TSPEAR: variants seen among roughly 807,000 people sequenced by gnomAD.
TSPEAR encodes thrombospondin-type laminin G domain and EAR repeat-containing protein.
TSPEAR carries 69 observed loss-of-function variants against 71.6 expected under a neutral mutation model. The ratio of observed to expected loss-of-function variants is 0.96; its 90% CI spans 0.79 to 1.18. The LOEUF (loss-of-function observed/expected upper bound fraction) is 1.18, where lower values mean the gene tolerates loss of function less well. TSPEAR is among the 50% of genes most tolerant of loss of function. TSPEAR has a pLI of 0.00. For synonymous variants in TSPEAR, 402 were observed against 387.2 expected (o/e 1.04, Z -0.45); for missense variants, 971 against 894.9 (o/e 1.09, Z -1.09).
intron 11 of TSPEAR, among the ~76,000 whole-genome samples, chr21:44,501,792 T>G (rs1435264460): frequency 6.6e-6 from 1 of 152,010 alleles, no homozygotes; most frequent in African/African-American, 2.4e-5. Context: ...GAAGGAGATA[T>G]TATTAAAAAG....
intron 1 of TSPEAR, among the ~76,000 whole-genome samples, chr21:44,602,473 T>C (rs442226): frequency 0.83 from 126,470 of 152,236 alleles, 54,323 homozygotes; most frequent in Non-Finnish European, 0.94. Context: ...GTGTGCAGAA[T>C]GGGTCCACAC....
At chr21:44,637,225 A>G (rs1983635266) in intron 1 of TSPEAR, 6 of 751,312 alleles carry the variant, frequency 8.0e-6, no homozygotes. Flanking sequence ...ATGGCAAAGG[A>G]AGCAGAAATA....
At chr21:44,600,479 C>T in intron 1 of TSPEAR, 1 of 965,044 alleles carries the variant, frequency 1.0e-6, no homozygotes. Context: ...AAGGAAGGGG[C>T]AGGAGTTGTT....
intron 11 of TSPEAR, among the ~76,000 whole-genome samples, chr21:44,500,969 G>A (rs2052018578): frequency 6.6e-6 from 1 of 152,176 alleles, no homozygotes; most frequent in African/African-American, 2.4e-5. Context: ...ATAGAACCCT[G>A]AGGTTATACA....
In TSPEAR at chr21:44,612,224, C is replaced by T. The variant is rs782423827; in HGVS notation, c.83-44219G>A. ...CAGCACCTGCACTGGCTCCTCCTGGCAGGTGGACAATTGCCAGGAAAGCTG... is the reference window on the plus strand; with the variant it reads ...CAGCACCTGCACTGGCTCCTCCTGGTAGGTGGACAATTGCCAGGAAAGCTG... On this transcript the variant is annotated intron_variant, in intron 1 of 11. Coordinates refer to ENST00000323084, the MANE Select transcript of TSPEAR (RefSeq NM_144991.3). The surrounding 1 kb of genome is among the most constrained non-coding windows in gnomAD (Gnocchi z 4.1). The T allele has an allele frequency of 7.4e-6, 12 of 1,613,774 alleles. No homozygotes were observed. The highest frequency in any genetic ancestry group is 1.0e-5 in the Non-Finnish European group (12 of 1,180,010).
intron 2 of TSPEAR, 37 bp from the exon 3 acceptor site, chr21:44,533,960 G>T: frequency 1.3e-6 from 2 of 1,529,772 alleles, no homozygotes; most frequent in Non-Finnish European, 1.8e-6. Context: ...CGGGGCTGGG[G>T]GTAGGGGTCG....
At chr21:44,621,064 T>A (rs924945655) in intron 1 of TSPEAR, among the ~76,000 whole-genome samples, 2 of 152,230 alleles carry the variant, frequency 1.3e-5, no homozygotes, top group African/African-American at 4.8e-5. Context: ...AGGCTAGTTT[T>A]GTGGCCTAAG....
chr21:44,532,926 G>A lies in TSPEAR; in HGVS notation c.542+759C>T, dbSNP rs587689110. ...CCCTCGTCCACGAGGAACCTGCCAT[G>A]TGGAGTCACGGAGCCAGGCCTCGGC... On this transcript the variant is annotated intron_variant, in intron 3 of 11. Coordinates refer to ENST00000323084, the MANE Select transcript of TSPEAR (RefSeq NM_144991.3). Among the ~76,000 whole-genome samples the A allele has an allele frequency of 1.9e-3, 288 of 152,366 alleles. 2 individuals are homozygous for A. Among genetic ancestry groups the A allele is most frequent in the Non-Finnish European group, 3.4e-3 (230 of 68,032 alleles).
intron 1 of TSPEAR, chr21:44,667,036 G>A: frequency 1.1e-6 from 1 of 926,928 alleles, no homozygotes; most frequent in Admixed American, 2.9e-5. Context: ...CTGTCTCCTG[G>A]AGCTTAATTT....
At chr21:44,592,651 G>A (rs1555927083) in intron 1 of TSPEAR, 2 of 1,098,904 alleles carry the variant, frequency 1.8e-6, no homozygotes, top group South Asian at 1.7e-5. Flanking sequence ...CCCGTGATGT[G>A]GGCCAGCTCA....
At chr21:44,549,320 C>T (rs1389470315) in intron 2 of TSPEAR, among the ~76,000 whole-genome samples, 3 of 152,152 alleles carry the variant, frequency 2.0e-5, no homozygotes, top group Non-Finnish European at 4.4e-5. Context: ...CACTAAAGGA[C>T]TGATCAGGCT....
At chr21:44,558,459 T>G in intron 2 of TSPEAR, 1 of 1,614,058 alleles carries the variant, frequency 6.2e-7, no homozygotes, top group East Asian at 2.2e-5. Flanking sequence ...GCAAGCTGGC[T>G]GGCAGCTAGA....
intron 1 of TSPEAR, among the ~76,000 whole-genome samples, chr21:44,636,900 T>G (rs1983606279): frequency 6.6e-6 from 1 of 151,750 alleles, no homozygotes; most frequent in South Asian, 2.1e-4. Context: ...GACATCAGGA[T>G]CTCAGAAGAT....
intron 1 of TSPEAR, chr21:44,676,323 A>G (rs1986311127): frequency 8.5e-7 from 1 of 1,175,650 alleles, no homozygotes; most frequent in Non-Finnish European, 1.3e-6. Flanking sequence ...TAGTAAATTC[A>G]TTATCAGAAC....
chr21:44,517,366 C>T (rs2052607842), intron 9 of TSPEAR: 1 of 168,348 alleles, frequency 5.9e-6, no homozygotes, highest in Non-Finnish European at 1.3e-5. Flanking sequence ...GAGACTGGGT[C>T]ATATGACCAG....
intron 1 of TSPEAR, chr21:44,627,943 C>T (rs1982976381): frequency 1.3e-6 from 2 of 1,518,504 alleles, no homozygotes; most frequent in South Asian, 2.4e-5. Flanking sequence ...CTCCTCCCGC[C>T]AGCCCAGCTA....
chr21:44,700,821 C>T (rs368071422), intron 1 of TSPEAR, among the ~76,000 whole-genome samples: 17 of 152,316 alleles, frequency 1.1e-4, no homozygotes, highest in African/African-American at 4.1e-4. Context: ...AGGAAGCCTT[C>T]GTGACCTGTT....
chr21:44,643,172 A>C (rs1375704896), intron 1 of TSPEAR, among the ~76,000 whole-genome samples: 4 of 152,214 alleles, frequency 2.6e-5, no homozygotes, highest in African/African-American at 9.7e-5. Context: ...AAAGACAAAT[A>C]CTGCAGACCT....
In TSPEAR at chr21:44,575,179, C is replaced by T. The variant is rs1378434448; in HGVS notation, c.83-7174G>A. The T allele has an allele frequency of 1.1e-5, 9 of 796,888 alleles. No individual in the cohort carries two copies. In the Admixed American group the frequency reaches 1.2e-4, roughly 10 times the overall value. The allele number at this position is 796,888 out of a possible 1,614,324, so 49.4% of individuals were successfully genotyped here. On this transcript the variant is annotated intron_variant, in intron 1 of 11. Coordinates refer to ENST00000323084, the MANE Select transcript of TSPEAR (RefSeq NM_144991.3). The stretch of plus-strand genomic sequence containing the variant: ...AAAGTCTATACTCAATGCTGCAGCC[C>T]TCTTGCGGGGGGAGGGGGGCGCTTC...
Sources: gnomAD v4.1 joint callset for allele counts (sites outside exome capture counted in the v4.1 genomes callset) on GRCh38, gnomAD v4.1.1 for gene constraint, Gnocchi (gnomAD v3.1) non-coding constraint, MANE v1.5 for transcripts, NCBI Gene and HGNC (gene_info 2026-07-23, HGNC 2026-07-21) for gene names.